Variants in PALLD observed in about 807,000 individuals in gnomAD.
PALLD encodes palladin, cytoskeletal associated protein, also known as palladin.
In PALLD, 61 loss-of-function variants were observed where a neutral mutation model predicts 123.5. The observed-to-expected ratio is 0.49, with a 90% confidence interval of 0.40 to 0.61. PALLD has a LOEUF of 0.61. Ranked by LOEUF, PALLD falls within the 20% of genes least tolerant of loss-of-function variation. PALLD has a pLI of 0.00. For synonymous variants in PALLD, 465 were observed against 496.4 expected, an observed-to-expected ratio of 0.94 and a Z score of 0.84; for missense variants, 1,273 against 1,377.0, an observed-to-expected ratio of 0.92 and a Z score of 1.20.
chr4:168,894,405 G>A (rs1479260404), intron 11 of PALLD, 174 bp from the exon 12 acceptor site: 6 of 638,806 alleles, frequency 9.4e-6, no homozygotes, highest in Middle Eastern at 4.1e-4. Flanking sequence ...AGAAAGGGAG[G>A]TAAAAAGGTA....
chr4:168,708,401 G>C (rs984348229), intron 8 of PALLD, among the ~76,000 whole-genome samples: 53 of 152,282 alleles, frequency 3.5e-4, no homozygotes, highest in African/African-American at 9.6e-4. Context: ...GAACACTGAA[G>C]TTCAGGGAGA....
At chr4:168,859,264 T>A (rs1749085137) in intron 10 of PALLD, among the ~76,000 whole-genome samples, 1 of 152,208 alleles carries the variant, frequency 6.6e-6, no homozygotes, top group African/African-American at 2.4e-5. Context: ...CTGATAGTTA[T>A]CCATGCTCAC....
At chr4:168,675,391 G>T (rs372797547) in intron 3 of PALLD, among the ~76,000 whole-genome samples, 1 of 152,168 alleles carries the variant, frequency 6.6e-6, no homozygotes, top group Non-Finnish European at 1.5e-5. Flanking sequence ...ACATTGTGAA[G>T]CGTGCTGTGA....
At chr4:168,609,450 C>T (rs898478282) in intron 2 of PALLD, among the ~76,000 whole-genome samples, 12 of 151,570 alleles carry the variant, frequency 7.9e-5, no homozygotes, top group Non-Finnish European at 1.3e-4. Context: ...AAATGTCCAA[C>T]CAACAGATGA....
Position 168,709,030 on chromosome 4 carries a change from G to C in PALLD, c.1504G>C (p.Glu502Gln). The C allele has an allele frequency of 6.2e-7, 1 of 1,613,640 alleles. No individual in the cohort carries two copies. The highest frequency in any genetic ancestry group is 8.5e-7 in the Non-Finnish European group (1 of 1,179,598). The change falls in exon 9 of 22, where the codon GAG (glutamate) becomes CAG (glutamine). Residue 502 changes from glutamate (E) to glutamine (Q), a missense_variant and splice_region_variant. Physicochemically the swap from Glu to Gln is conservative, Grantham distance 29. Coordinates refer to ENST00000505667, the MANE Select transcript of PALLD (RefSeq NM_001166108.2). ...KKPRSTAEPEEICTLVIAETF... is the reference protein window; with the variant it reads ...KKPRSTAEPEQICTLVIAETF... The stretch of plus-strand genomic sequence containing the variant: ...GATTCTGTTCTCTTCACTTCCAGAG[G>C]AGATTTGCACCCTAGTTATCGCTGA...
intron 10 of PALLD, among the ~76,000 whole-genome samples, chr4:168,794,339 T>A (rs1205624670): frequency 6.6e-6 from 1 of 152,220 alleles, no homozygotes; most frequent in Non-Finnish European, 1.5e-5. Context: ...GGGGTCCTCT[T>A]GAGGCCCTCC....
intron 1 of PALLD, chr4:168,507,520 A>C (rs1278939307): frequency 5.1e-6 from 1 of 194,912 alleles, no homozygotes; most frequent in African/African-American, 2.3e-5. Flanking sequence ...AATATGAGGA[A>C]TTCTCCAAAA....
At chr4:168,614,730 A>G (rs1774055174) in intron 2 of PALLD, among the ~76,000 whole-genome samples, 1 of 152,228 alleles carries the variant, frequency 6.6e-6, no homozygotes, top group African/African-American at 2.4e-5. Flanking sequence ...CAGGAAAAGA[A>G]CCTAATGCTG....
At chr4:168,804,116 T>A (rs1739780977) in intron 10 of PALLD, among the ~76,000 whole-genome samples, 1 of 152,202 alleles carries the variant, frequency 6.6e-6, no homozygotes, top group Admixed American at 6.5e-5. Flanking sequence ...CCCTTGAGAG[T>A]ACTGCCCAAA....
intron 2 of PALLD, among the ~76,000 whole-genome samples, chr4:168,523,237 G>A (rs1763730579): frequency 6.8e-6 from 1 of 147,250 alleles, no homozygotes; most frequent in Non-Finnish European, 1.5e-5. Context: ...GAGAGGAGGG[G>A]AGGGGAGGGG....
intron 2 of PALLD, among the ~76,000 whole-genome samples, chr4:168,547,945 CAAAA>C (rs33961230): frequency 2.5e-5 from 2 of 81,154 alleles, no homozygotes; most frequent in African/African-American, 4.9e-5. Flanking sequence ...GACTCCGTCT[CAAAA>C]AAAAAAAAAA....
At chr4:168,714,266 C>A (rs1785125903) in intron 10 of PALLD, among the ~76,000 whole-genome samples, 1 of 151,954 alleles carries the variant, frequency 6.6e-6, no homozygotes, top group Admixed American at 6.6e-5. Context: ...ATTATCAGAG[C>A]CTTTTCTAAA....
intron 2 of PALLD, chr4:168,647,900 G>A (rs1271138844): frequency 6.6e-6 from 1 of 151,570 alleles, no homozygotes; most frequent in Non-Finnish European, 1.5e-5. Context: ...CACTCCTCAA[G>A]TTGAAAAGCT....
At chr4:168,799,933 A>G (rs1739079009) in intron 10 of PALLD, among the ~76,000 whole-genome samples, 1 of 152,190 alleles carries the variant, frequency 6.6e-6, no homozygotes, top group Non-Finnish European at 1.5e-5. Context: ...TATATAGGGT[A>G]CCCTAAGAGA....
At chr4:168,681,508 A>T in intron 4 of PALLD, 110 bp downstream of exon 4, 1 of 737,610 alleles carries the variant, frequency 1.4e-6, no homozygotes, top group Non-Finnish European at 2.4e-6. Flanking sequence ...AACTGATGTT[A>T]ATCAGAGATC....
intron 2 of PALLD, among the ~76,000 whole-genome samples, chr4:168,647,437 T>C (rs756666446): frequency 1.3e-5 from 2 of 152,124 alleles, no homozygotes; most frequent in Non-Finnish European, 1.5e-5. Context: ...AGACAAATCA[T>C]AACAGTAGAT....
At chr4:168,541,512 C>T (rs1233123017) in intron 2 of PALLD, among the ~76,000 whole-genome samples, 1 of 151,916 alleles carries the variant, frequency 6.6e-6, no homozygotes, top group Non-Finnish European at 1.5e-5. Flanking sequence ...CTTACTCTGT[C>T]GCCCAGGCTG....
intron 2 of PALLD, among the ~76,000 whole-genome samples, chr4:168,613,798 G>A (rs778409784): frequency 2.6e-5 from 4 of 152,168 alleles, no homozygotes; most frequent in Non-Finnish European, 5.9e-5. Context: ...AAAAATGGGA[G>A]AATTCGATTA....
chr4:168,592,180 G>A (rs541388189), intron 2 of PALLD, among the ~76,000 whole-genome samples: 2 of 151,972 alleles, frequency 1.3e-5, no homozygotes, highest in African/African-American at 2.4e-5. Flanking sequence ...CCACGCACCT[G>A]TAAGATTTGA....
Sources: gnomAD v4.1 joint callset for allele counts (sites outside exome capture counted in the v4.1 genomes callset) on GRCh38, gnomAD v4.1.1 for gene constraint, MANE v1.5 for transcripts, NCBI Gene and HGNC (gene_info 2026-07-23, HGNC 2026-07-21) for gene names.